TPRG1: variants seen among roughly 807,000 people sequenced by gnomAD.
TPRG1 encodes tumor protein p63-regulated gene 1 protein.
TPRG1 carries 29 observed loss-of-function variants against 29.3 expected under a neutral mutation model. That is an observed-to-expected ratio of 0.99 (90% confidence interval 0.74 to 1.35). The LOEUF (loss-of-function observed/expected upper bound fraction) is 1.35. Ranked by LOEUF, TPRG1 falls within the 40% of genes most tolerant of loss-of-function variation. TPRG1 has a pLI of 0.00. For synonymous variants in TPRG1, 130 were observed against 116.8 expected, an observed-to-expected ratio of 1.11 and a Z score of -0.73; for missense variants, 327 against 335.0, an observed-to-expected ratio of 0.98 and a Z score of 0.19.
At chr3:189,022,267 G>T (rs1441974717) in intron 3 of TPRG1, among the ~76,000 whole-genome samples, 6 of 151,160 alleles carry the variant, frequency 4.0e-5, no homozygotes, top group African/African-American at 1.2e-4. Context: ...TTGTTCCGTT[G>T]CTGGTGAGGA....
chr3:189,184,631 C>T (rs1257992990), intron 1 of TPRG1, among the ~76,000 whole-genome samples: 1 of 152,148 alleles, frequency 6.6e-6, no homozygotes, highest in Non-Finnish European at 1.5e-5. Context: ...TCTAAAGGAA[C>T]ATTTAGCAAA....
intron 5 of TPRG1, among the ~76,000 whole-genome samples, chr3:189,164,171 CT>C (rs563141254): frequency 6.6e-6 from 1 of 150,414 alleles, no homozygotes. Context: ...TTTTCTTTTT[CT>C]TTTTTTTTGA....
chr3:189,198,796 G>A (rs930069966), intron 1 of TPRG1, among the ~76,000 whole-genome samples: 1 of 152,120 alleles, frequency 6.6e-6, no homozygotes, highest in African/African-American at 2.4e-5. Flanking sequence ...CAATGCCACG[G>A]GAGTCAAGAA....
At position 189,322,175 on chromosome 3, in the gene TPRG1, GT is replaced by G; in HGVS notation, c.*1357del. ...CAAGACTCAAAATTGACACATCTTT[GT>G]TGATGTTTAAGTTGAAATTCCAGCC... On this transcript the variant is annotated 3_prime_UTR_variant, in exon 6 of 6. Transcript: ENST00000345063. The G allele has an allele frequency of 1.3e-5, 2 of 152,000 alleles. 1 individual carries two copies. Among genetic ancestry groups the G allele is most frequent in the Middle Eastern group, 6.8e-3 (2 of 294 alleles). 9.4% of individuals were successfully genotyped at this position (152,000 alleles called of 1,614,324 possible). A position where few individuals can be genotyped will look rare whatever the true frequency, so the allele number is the denominator to read the frequency against.
chr3:189,312,229 T>A (rs574431302), intron 5 of TPRG1, among the ~76,000 whole-genome samples: 1 of 142,214 alleles, frequency 7.0e-6, no homozygotes, highest in East Asian at 2.0e-4. Context: ...TAAGACGGAG[T>A]CTCGCTCTGT....
chr3:189,230,147 A>T (rs1163436434), intron 3 of TPRG1, among the ~76,000 whole-genome samples: 4 of 152,154 alleles, frequency 2.6e-5, no homozygotes, highest in African/African-American at 9.7e-5. Flanking sequence ...TCTTGTGGGA[A>T]AGAGAGAAGG....
At chr3:189,210,373 C>T (rs1205234793) in intron 2 of TPRG1, among the ~76,000 whole-genome samples, 1 of 152,092 alleles carries the variant, frequency 6.6e-6, no homozygotes, top group Non-Finnish European at 1.5e-5. Flanking sequence ...TTAAGATGCC[C>T]ATGACCTCAT....
intron 4 of TPRG1, among the ~76,000 whole-genome samples, chr3:189,055,490 A>C (rs940339318): frequency 2.6e-5 from 4 of 152,102 alleles, no homozygotes; most frequent in African/African-American, 7.2e-5. Flanking sequence ...AGGTAGTCCC[A>C]AAAATTTGTC....
chr3:189,072,198 C>G (rs1214590725), intron 4 of TPRG1, among the ~76,000 whole-genome samples: 1 of 152,154 alleles, frequency 6.6e-6, no homozygotes, highest in Non-Finnish European at 1.5e-5. Context: ...TGTCTTGAAG[C>G]AATTTAACAT....
intron 1 of TPRG1, among the ~76,000 whole-genome samples, chr3:189,206,138 T>C (rs1171729844): frequency 6.6e-6 from 1 of 150,684 alleles, no homozygotes; most frequent in Non-Finnish European, 1.5e-5. Context: ...CTTCCTTTCC[T>C]TTCCTTCTTT....
intron 4 of TPRG1, among the ~76,000 whole-genome samples, chr3:189,073,994 C>G (rs970896217): frequency 4.7e-4 from 71 of 152,048 alleles, no homozygotes; most frequent in Admixed American, 2.0e-4. Flanking sequence ...TTGTGAACTC[C>G]TTTATTAGTT....
intron 4 of TPRG1, among the ~76,000 whole-genome samples, chr3:189,296,903 CT>C (rs1720023207): frequency 6.6e-6 from 1 of 152,212 alleles, no homozygotes; most frequent in African/African-American, 2.4e-5. Context: ...TATAACTCCA[CT>C]AAATGATAGA....
chr3:189,261,928 T>C (rs1399530563), intron 4 of TPRG1, among the ~76,000 whole-genome samples: 1 of 152,148 alleles, frequency 6.6e-6, no homozygotes, highest in Admixed American at 6.5e-5. Flanking sequence ...GGTGAAAGTT[T>C]CTAAATGGTT....
intron 1 of TPRG1, among the ~76,000 whole-genome samples, chr3:189,205,502 A>G (rs1734188601): frequency 6.6e-6 from 1 of 152,246 alleles, no homozygotes; most frequent in African/African-American, 2.4e-5. Context: ...CCTCTTGTGA[A>G]TAGCCTAGTT....
intron 1 of TPRG1, among the ~76,000 whole-genome samples, chr3:189,181,269 C>T (rs1031491516): frequency 7.9e-5 from 12 of 152,118 alleles, no homozygotes; most frequent in Admixed American, 1.3e-4. Flanking sequence ...TTTGGCTTCC[C>T]GTTACTTATC....
At chr3:189,078,089 CTCTCTTTCTT>C (rs1214132473) in intron 4 of TPRG1, among the ~76,000 whole-genome samples, 7 of 111,214 alleles carry the variant, frequency 6.3e-5, no homozygotes, top group African/African-American at 1.6e-4. Flanking sequence ...TTCTCTCTTT[CTCTCTTTCTT>C]TCTTTCTTTC....
intron 3 of TPRG1, among the ~76,000 whole-genome samples, chr3:189,006,911 T>G (rs565763210): frequency 6.6e-6 from 1 of 152,092 alleles, no homozygotes; most frequent in Non-Finnish European, 1.5e-5. Flanking sequence ...ATTTAAAATA[T>G]TTACAATCTG....
chr3:189,296,968 ACCC>A (rs1265051879), intron 4 of TPRG1, among the ~76,000 whole-genome samples: 1 of 147,632 alleles, frequency 6.8e-6, no homozygotes, highest in African/African-American at 2.5e-5. Flanking sequence ...TCACTGATAA[ACCC>A]TCTTCTTCTT....
intron 4 of TPRG1, among the ~76,000 whole-genome samples, chr3:189,052,901 A>T (rs900903638): frequency 1.3e-5 from 2 of 152,194 alleles, no homozygotes; most frequent in African/African-American, 4.8e-5. Context: ...CAAAGCCATA[A>T]GAATGATACA....
Sources: gnomAD v4.1 joint callset for allele counts (sites outside exome capture counted in the v4.1 genomes callset) on GRCh38, gnomAD v4.1.1 for gene constraint, MANE v1.5 for transcripts, NCBI Gene and HGNC (gene_info 2026-07-23, HGNC 2026-07-21) for gene names.